The following MIR2052HG variants were observed in gnomAD, a reference collection of about 807,000 sequenced individuals.
MIR2052HG encodes the protein MIR2052 host gene.
At chr8:74,648,540 C>T (rs1160640176) in intron 2 of MIR2052HG, among the ~76,000 whole-genome samples, 1 of 152,128 alleles carries the variant, frequency 6.6e-6, no homozygotes, top group African/African-American at 2.4e-5. Flanking sequence ...CACCCACTCC[C>T]CAGCAAAAAC....
chr8:74,676,948 A>G (rs562983385), intron 2 of MIR2052HG, among the ~76,000 whole-genome samples: 1 of 152,132 alleles, frequency 6.6e-6, no homozygotes, highest in African/African-American at 2.4e-5. Flanking sequence ...ACCATGCCTC[A>G]ATAAAGCTGG....
intron 2 of MIR2052HG, among the ~76,000 whole-genome samples, chr8:74,654,643 A>G (rs1808785722): frequency 6.6e-6 from 1 of 152,092 alleles, no homozygotes; most frequent in Non-Finnish European, 1.5e-5. Context: ...CATGATTCTG[A>G]GACCTCCCCA....
chr8:74,702,564 A>C, intron 3 of MIR2052HG: 1 of 197,740 alleles, frequency 5.1e-6, no homozygotes. Context: ...CTTTAAGCCT[A>C]AGAGGAGGAG....
At chr8:74,750,126 G>A (rs1461735323) in intron 4 of MIR2052HG, among the ~76,000 whole-genome samples, 1 of 152,124 alleles carries the variant, frequency 6.6e-6, no homozygotes, top group Non-Finnish European at 1.5e-5. Context: ...CATTTTGGGT[G>A]AAATAATATC....
chr8:74,706,652 T>A (rs1227970073), intron 4 of MIR2052HG, among the ~76,000 whole-genome samples: 3 of 152,246 alleles, frequency 2.0e-5, no homozygotes, highest in East Asian at 3.9e-4. Flanking sequence ...AAAACCATAG[T>A]GTTTGTGTAG....
chr8:74,642,192 A>AT (rs1039014583), intron 2 of MIR2052HG, among the ~76,000 whole-genome samples: 2 of 151,742 alleles, frequency 1.3e-5, no homozygotes, highest in African/African-American at 4.8e-5. Context: ...TTTGCATGCT[A>AT]TTTTTTTTCT....
intron 1 of MIR2052HG, among the ~76,000 whole-genome samples, chr8:74,600,639 A>C (rs1469895619): frequency 6.6e-6 from 1 of 151,042 alleles, no homozygotes; most frequent in African/African-American, 2.4e-5. Flanking sequence ...GCGGTGGCAC[A>C]ATCTTGGCTC....
chr8:74,665,629 A>G (rs1410949951), intron 2 of MIR2052HG, among the ~76,000 whole-genome samples: 3 of 151,998 alleles, frequency 2.0e-5, no homozygotes, highest in South Asian at 2.1e-4. Context: ...ATCATTTTAT[A>G]TTTACCTCTC....
intron 4 of MIR2052HG, among the ~76,000 whole-genome samples, chr8:74,725,906 A>T (rs1809630761): frequency 1.3e-5 from 2 of 151,990 alleles, no homozygotes; most frequent in Admixed American, 1.3e-4. Context: ...GAAAAAAAAC[A>T]GTCAGCTACT....
chr8:74,678,832 T>G (rs1448353551), intron 2 of MIR2052HG, among the ~76,000 whole-genome samples: 1 of 152,092 alleles, frequency 6.6e-6, no homozygotes, highest in Non-Finnish European at 1.5e-5. Flanking sequence ...GAAAGTCTGA[T>G]CATTTATGTA....
At chr8:74,736,296 A>C (rs1028968116) in intron 4 of MIR2052HG, among the ~76,000 whole-genome samples, 4 of 152,210 alleles carry the variant, frequency 2.6e-5, no homozygotes, top group African/African-American at 9.6e-5. Context: ...CTTTCTGAAA[A>C]TATCTATGAA....
At chr8:74,642,626 A>T (rs913751555) in intron 2 of MIR2052HG, among the ~76,000 whole-genome samples, 1 of 152,198 alleles carries the variant, frequency 6.6e-6, no homozygotes, top group South Asian at 2.1e-4. Flanking sequence ...TTGCAGTTGA[A>T]TACAAGCAGC....
At chr8:74,618,362 G>C (rs999250332) in intron 2 of MIR2052HG, among the ~76,000 whole-genome samples, 3 of 152,124 alleles carry the variant, frequency 2.0e-5, no homozygotes, top group South Asian at 4.1e-4. Context: ...TGAGGAAAGG[G>C]ACATTGTTTT....
chr8:74,629,852 T>A (rs1250118715), intron 2 of MIR2052HG, among the ~76,000 whole-genome samples: 1 of 152,176 alleles, frequency 6.6e-6, no homozygotes, highest in African/African-American at 2.4e-5. Flanking sequence ...TGCTCACAAC[T>A]GTTATTTCTC....
intron 1 of MIR2052HG, chr8:74,604,129 ATCT>A (rs1262637527): frequency 1.1e-5 from 10 of 895,422 alleles, no homozygotes; most frequent in African/African-American, 8.2e-5. Flanking sequence ...CTCCTCGCGC[ATCT>A]TCTTAACTGA....
At chr8:74,660,065 CAT>C (rs1808845158) in intron 2 of MIR2052HG, among the ~76,000 whole-genome samples, 1 of 152,158 alleles carries the variant, frequency 6.6e-6, no homozygotes, top group Admixed American at 6.5e-5. Flanking sequence ...ATGGTTCTAA[CAT>C]GAGCATCTGC....
chr8:74,664,543 A>T (rs1166995789), intron 2 of MIR2052HG, among the ~76,000 whole-genome samples: 3 of 151,860 alleles, frequency 2.0e-5, no homozygotes, highest in Non-Finnish European at 4.4e-5. Context: ...TTGAGGCAGA[A>T]TTTTGCTCTT....
At chr8:74,711,133 A>G (rs1809464353) in intron 4 of MIR2052HG, among the ~76,000 whole-genome samples, 1 of 152,172 alleles carries the variant, frequency 6.6e-6, no homozygotes, top group Admixed American at 6.6e-5. Flanking sequence ...GGAAAACTGA[A>G]ACATGAACAC....
intron 2 of MIR2052HG, among the ~76,000 whole-genome samples, chr8:74,683,561 T>C (rs1286523601): frequency 6.6e-6 from 1 of 152,158 alleles, no homozygotes; most frequent in Non-Finnish European, 1.5e-5. Context: ...ACTTGCCTAC[T>C]TTCCTTGATT....
Sources: allele counts gnomAD v4.1 joint callset (sites outside exome capture counted in the v4.1 genomes callset), GRCh38; gene constraint gnomAD v4.1.1; transcripts MANE v1.5; gene names NCBI Gene and HGNC (gene_info 2026-07-23, HGNC 2026-07-21).